The following C8A variants were observed in gnomAD, a reference collection of about 807,000 sequenced individuals.
C8A encodes the protein complement C8 alpha chain, also known as complement component C8 alpha chain.
Under a neutral mutation model 65.3 loss-of-function variants are expected in C8A, and 67 were observed. The ratio of observed to expected loss-of-function variants is 1.03; its 90% confidence interval spans 0.84 to 1.26. The LOEUF (loss-of-function observed/expected upper bound fraction) is 1.26. Among genes scored for constraint, C8A ranks in the 50% most tolerant of loss-of-function variants. The probability of loss-of-function intolerance (pLI) is 0.00; values close to 1 mark genes in which losing one functional copy is unlikely to be tolerated. For synonymous variants in C8A, 290 were observed against 259.4 expected, an observed-to-expected ratio of 1.12 and a Z score of -1.13; for missense variants, 781 against 723.9, an observed-to-expected ratio of 1.08 and a Z score of -0.90.
chr1:56,892,381 A>G (rs754409320), intron 7 of C8A, among the ~76,000 whole-genome samples: 3 of 152,076 alleles, frequency 2.0e-5, no homozygotes, highest in Non-Finnish European at 1.5e-5. Flanking sequence ...TGGTTTCCTC[A>G]TTTTTACAGA....
chr1:56,856,391 A>T (rs1156430378), intron 1 of C8A, among the ~76,000 whole-genome samples: 2 of 152,108 alleles, frequency 1.3e-5, no homozygotes, highest in African/African-American at 2.4e-5. Flanking sequence ...CCTGTTACCT[A>T]TTACCTAGTA....
intron 10 of C8A, among the ~76,000 whole-genome samples, chr1:56,916,633 C>T (rs537739388): frequency 5.3e-5 from 8 of 152,292 alleles, no homozygotes; most frequent in Admixed American, 1.3e-4. Flanking sequence ...GCCTGACAGA[C>T]ATCCAGCTTC....
At chr1:56,857,479 A>C (rs996835469) in intron 1 of C8A, among the ~76,000 whole-genome samples, 2 of 152,006 alleles carry the variant, frequency 1.3e-5, no homozygotes, top group Non-Finnish European at 2.9e-5. Flanking sequence ...CTGTGTGTGC[A>C]TGGCAAATCT....
At chr1:56,868,129 A>G (rs1395935113) in intron 2 of C8A, among the ~76,000 whole-genome samples, 2 of 152,036 alleles carry the variant, frequency 1.3e-5, no homozygotes, top group Admixed American at 1.3e-4. Flanking sequence ...ATATATTGAA[A>G]AGACCAACAC....
chr1:56,861,666 A>C (rs1248000931), intron 1 of C8A, among the ~76,000 whole-genome samples: 1 of 152,228 alleles, frequency 6.6e-6, no homozygotes, highest in Non-Finnish European at 1.5e-5. Context: ...ACAAAACTAG[A>C]CAATTTTCCA....
chr1:56,911,663 A>G (rs553214314), intron 9 of C8A, among the ~76,000 whole-genome samples: 137 of 152,338 alleles, frequency 9.0e-4, no homozygotes, highest in African/African-American at 3.1e-3. Flanking sequence ...CCAGTAAAGA[A>G]TTATCCAACT....
chr1:56,857,342 T>C (rs1643986945), intron 1 of C8A, among the ~76,000 whole-genome samples: 1 of 150,598 alleles, frequency 6.6e-6, no homozygotes, highest in South Asian at 2.1e-4. Context: ...CTAGAGTTAT[T>C]CTGACTGCTT....
intron 10 of C8A, 131 bp from the exon 11 acceptor site, chr1:56,917,434 A>G: frequency 1.2e-6 from 1 of 845,510 alleles, no homozygotes; most frequent in East Asian, 2.6e-5. Context: ...AACAAGCTGC[A>G]GTCGACCAGA....
In C8A at chr1:56,894,365, A is replaced by G. The variant is rs1392276584; in HGVS notation, c.1096+8198A>G. Reference sequence around the variant, plus strand: ...AGCTTCATCCAGTTTTGGAGGGACCACTCTTCCCATTTATCAAGGTCACTT... The same window carrying G: ...AGCTTCATCCAGTTTTGGAGGGACCGCTCTTCCCATTTATCAAGGTCACTT... On this transcript the variant is annotated intron_variant, in intron 7 of 10. Coordinates refer to ENST00000361249, the MANE Select transcript of C8A (RefSeq NM_000562.3). Among the ~76,000 whole-genome samples, 3 of 151,932 alleles carry G rather than the reference A, an allele frequency of 2.0e-5. No individual in the cohort carries two copies. The East Asian group carries it at 5.8e-4, about 29-fold the overall frequency.
At chr1:56,913,789 A>G (rs1365134728) in intron 10 of C8A, among the ~76,000 whole-genome samples, 1 of 152,234 alleles carries the variant, frequency 6.6e-6, no homozygotes, top group African/African-American at 2.4e-5. Flanking sequence ...GGGAAATCCA[A>G]GGTATTACAA....
chr1:56,911,064 G>GTTTTTTT (rs766157695), intron 9 of C8A, among the ~76,000 whole-genome samples: 1 of 79,628 alleles, frequency 1.3e-5, no homozygotes, highest in Admixed American at 1.5e-4. Context: ...GAAAAACATG[G>GTTTTTTT]GTTTTTTTTT....
intron 2 of C8A, among the ~76,000 whole-genome samples, chr1:56,870,687 T>TAAATTAA (rs1250198849): frequency 2.0e-5 from 3 of 152,134 alleles, no homozygotes; most frequent in African/African-American, 7.2e-5. Flanking sequence ...AAATTTTTCG[T>TAAATTAA]ATTTATTTCA....
chr1:56,868,119 A>G (rs543902302), intron 2 of C8A, among the ~76,000 whole-genome samples: 1 of 152,056 alleles, frequency 6.6e-6, no homozygotes, highest in African/African-American at 2.4e-5. Flanking sequence ...TTCCACTTTC[A>G]TATATTGAAA....
intron 2 of C8A, among the ~76,000 whole-genome samples, chr1:56,868,483 C>A (rs1367747878): frequency 6.6e-6 from 1 of 151,724 alleles, no homozygotes; most frequent in Non-Finnish European, 1.5e-5. Context: ...CTGGGCATGA[C>A]AGTGCACACC....
chr1:56,891,124 A>T (rs1024380218), intron 7 of C8A, among the ~76,000 whole-genome samples: 6 of 152,156 alleles, frequency 3.9e-5, no homozygotes, highest in Non-Finnish European at 8.8e-5. Context: ...ATATTCACTT[A>T]GTTTGGGATG....
intron 7 of C8A, among the ~76,000 whole-genome samples, chr1:56,895,192 G>A (rs538644454): frequency 1.3e-5 from 2 of 152,124 alleles, no homozygotes; most frequent in Admixed American, 6.6e-5. Flanking sequence ...CATACATTCT[G>A]TCATTCATTC....
At chr1:56,910,809 C>T (rs1443520826) in intron 9 of C8A, among the ~76,000 whole-genome samples, 1 of 152,150 alleles carries the variant, frequency 6.6e-6, no homozygotes, top group Non-Finnish European at 1.5e-5. Context: ...TTGCCAGTGC[C>T]CTCAGTTGAC....
chr1:56,915,905 G>T (rs1046472338), intron 10 of C8A, among the ~76,000 whole-genome samples: 1 of 152,210 alleles, frequency 6.6e-6, no homozygotes, highest in Admixed American at 6.5e-5. Context: ...GGAAAGTGGG[G>T]TATGTACCAG....
intron 1 of C8A, among the ~76,000 whole-genome samples, chr1:56,856,170 G>T (rs532113676): frequency 6.6e-6 from 1 of 152,210 alleles, no homozygotes; most frequent in African/African-American, 2.4e-5. Context: ...TGAGGTCTTT[G>T]TATCTAATGC....
Sources: gnomAD v4.1 joint callset for allele counts (sites outside exome capture counted in the v4.1 genomes callset) on GRCh38, gnomAD v4.1.1 for gene constraint, MANE v1.5 for transcripts, NCBI Gene and HGNC (gene_info 2026-07-23, HGNC 2026-07-21) for gene names.